TRIM45: variants seen among roughly 807,000 people sequenced by gnomAD.
TRIM45 encodes the protein tripartite motif containing 45.
Under a neutral mutation model 46.7 loss-of-function variants are expected in TRIM45, and 45 were observed. The observed-to-expected ratio is 0.96, with a 90% CI of 0.76 to 1.24. The LOEUF (loss-of-function observed/expected upper bound fraction) is 1.24, where lower values mean the gene tolerates loss of function less well. Among genes scored for constraint, TRIM45 ranks in the 50% most tolerant of loss-of-function variants. The pLI, the probability that TRIM45 is intolerant of heterozygous loss-of-function variation, is 0.00. For missense variants in TRIM45, 680 were observed against 728.4 expected (o/e 0.93, Z 0.77); for synonymous variants, 259 against 285.8 (o/e 0.91, Z 0.94).
chr1:117,112,412 C>T lies in TRIM45; in HGVS notation c.1636G>A (p.Gly546Ser). The change falls in exon 6 of 6, where the codon GGT becomes AGT. Residue 546 changes from glycine to serine, a missense_variant. Around this residue, in one of 3 missense-constraint regions of TRIM45, gnomAD observed 322 missense variants for 359.3 expected, o/e 0.90. Coordinates refer to ENST00000256649, the MANE Select transcript of TRIM45 (RefSeq NM_025188.4). ...CCACAGCATGACCAGTGGGGATGAC[C>T]TGGGTGGCCTTTGTGTCCATGGCCA... ...GCGHGHKGHP[G>S]HPHWSCCGKF... 1 of 1,614,038 alleles carries T rather than the reference C, an allele frequency of 6.2e-7. No homozygotes were observed. Among genetic ancestry groups the T allele is most frequent in the Admixed American group, 1.7e-5 (1 of 60,012 alleles).
Position 117,112,122 on chromosome 1 carries a change from T to G in TRIM45, c.*183A>C, listed in dbSNP as rs1490036086. ...TTAAGAGAAATGTAGAGGTGGTTTT[T>G]TGTGCTCAACCATCCACAAGTACAA... is the stretch of plus-strand genomic sequence containing the variant. On this transcript the variant is annotated 3_prime_UTR_variant, in exon 6 of 6. Transcript: ENST00000256649. The G allele has an allele frequency of 3.4e-6, 2 of 589,678 alleles. No homozygotes were observed. The highest frequency in any genetic ancestry group is 5.2e-6 in the Non-Finnish European group (2 of 383,718). 36.5% of individuals were successfully genotyped at this position (589,678 alleles called of 1,614,324 possible).
In TRIM45 at chr1:117,113,474, G is replaced by T; in HGVS notation, c.1479C>A (p.Phe493Leu). 6.2e-7 allele frequency: 1 copy of T among 1,612,894 alleles called. No individual in the cohort carries two copies. The highest frequency in any genetic ancestry group is 8.5e-7 in the Non-Finnish European group (1 of 1,180,010). The change falls in exon 5 of 6, where the codon TTC becomes TTA. Residue 493 changes from phenylalanine (F) to leucine (L), a missense_variant. Phe to Leu is a conservative substitution (Grantham distance 22, BLOSUM62 0). Around this residue, in one of 3 missense-constraint regions of TRIM45, gnomAD observed 322 missense variants for 359.3 expected, o/e 0.90. Transcript: ENST00000256649. This position sits in a 1 kb window ranked among gnomAD's most constrained non-coding sequence, Gnocchi z 4.0. ...IKEQHVQGSP[F>L]TVMVRRKHRP... ...GGTGCTTTCTCCTCACCATCACAGTGAATGGCGAGCCCTGCAGTGTTCAGA... is the reference window on the plus strand; with the variant it reads ...GGTGCTTTCTCCTCACCATCACAGTTAATGGCGAGCCCTGCAGTGTTCAGA...
In TRIM45 at chr1:117,116,480, C is replaced by T. The variant is rs1349089319; in HGVS notation, c.1352+136G>A. 3.3e-6 allele frequency: 4 copies of T among 1,201,162 alleles called. No homozygotes were observed. In the Admixed American group the frequency reaches 8.7e-5, roughly 26 times the overall value. 74.4% of individuals were successfully genotyped at this position (1,201,162 alleles called of 1,614,324 possible). A position where few individuals can be genotyped will look rare whatever the true frequency, so the allele number is the denominator to read the frequency against. Reference sequence around the variant, plus strand: ...TCTTGAACTCTTGGGCTTAAGCGATCCTCCTGCCTCCACTTCCCAAAGTGC... The same window carrying T: ...TCTTGAACTCTTGGGCTTAAGCGATTCTCCTGCCTCCACTTCCCAAAGTGC... On this transcript the variant is annotated intron_variant, in intron 3 of 5. Coordinates refer to ENST00000256649, the MANE Select transcript of TRIM45 (RefSeq NM_025188.4). The surrounding 1 kb of genome is among the most constrained non-coding windows in gnomAD (Gnocchi z 4.6).
At chr1:117,120,690 C>T (rs1479093126) in intron 1 of TRIM45, 24 bp downstream of exon 1, 5 of 1,578,446 alleles carry the variant, frequency 3.2e-6, no homozygotes, top group South Asian at 2.4e-5. Context: ...TTAAGCTACA[C>T]CTGATGGAGT....
At position 117,115,708 on chromosome 1, in the gene TRIM45, C is replaced by G. The variant is rs1378977916; in HGVS notation, c.1353-19G>C. ...GACTGGGCTGAATGGAGATAAGAGT[C>G]AAAACACCACTCACTTCCACAAGCT... On this transcript the variant is annotated intron_variant, in intron 3 of 5. Coordinates refer to ENST00000256649, the MANE Select transcript of TRIM45 (RefSeq NM_025188.4). This position sits in a 1 kb window ranked among gnomAD's most constrained non-coding sequence, Gnocchi z 4.2. 3.2e-6 allele frequency: 5 copies of G among 1,545,758 alleles called. No homozygotes were observed. Among genetic ancestry groups the G allele is most frequent in the Non-Finnish European group, 4.5e-6 (5 of 1,117,826 alleles).
Position 117,120,699 on chromosome 1 carries a change from G to GT in TRIM45, c.488+14dup. ...CTGCTCTTAAGCTACACCTGATGGA[G>GT]TGTCCCATCTTTACCTATGAGCCTG... On this transcript the variant is annotated intron_variant, in intron 1 of 5. Coordinates refer to ENST00000256649, the MANE Select transcript of TRIM45 (RefSeq NM_025188.4). 6.3e-7 allele frequency: 1 copy of GT among 1,585,378 alleles called. No homozygotes were observed. The highest frequency in any genetic ancestry group is 1.2e-5 in the South Asian group (1 of 86,104).
In TRIM45 at chr1:117,118,293, C is replaced by T; in HGVS notation, c.963G>A (p.Leu321=). The T allele has an allele frequency of 6.2e-7, 1 of 1,614,208 alleles. No homozygotes were observed. The highest frequency in any genetic ancestry group is 8.5e-7 in the Non-Finnish European group (1 of 1,180,034). ...ACTCCACTCCAGTCCGCATGTCTGC[C>T]AGTAACTGTTCCAGCTGGGCCTTCT... is the stretch of plus-strand genomic sequence containing the variant. ...QLQKAQLEQL[L]ADMRTGVEFT... is the part of the protein sequence containing the mutation. The change falls in exon 2 of 6, where the codon CTG becomes CTA. Residue 321 remains leucine (L), a synonymous_variant. Coordinates refer to ENST00000256649, the MANE Select transcript of TRIM45 (RefSeq NM_025188.4). This position sits in a 1 kb window ranked among gnomAD's most constrained non-coding sequence, Gnocchi z 5.7.
chr1:117,121,946 C>A (rs528009521), upstream of TRIM45: 24 of 675,674 alleles, frequency 3.6e-5, no homozygotes, highest in East Asian at 5.1e-4. This position sits in a 1 kb window ranked among gnomAD's most constrained non-coding sequence, Gnocchi z 4.2. Flanking sequence ...GGCGGGGCGG[C>A]CGAAGGGCTT....
In TRIM45 at chr1:117,113,357, A is replaced by C. The variant is rs1330117680; in HGVS notation, c.1594+2T>G. 1 of 1,611,854 alleles carries C rather than the reference A, an allele frequency of 6.2e-7. No homozygotes were observed. Among genetic ancestry groups the C allele is most frequent in the African/African-American group, 1.3e-5 (1 of 74,854 alleles). On this transcript the variant is annotated splice_donor_variant, in intron 5 of 5. Coordinates refer to ENST00000256649, the MANE Select transcript of TRIM45 (RefSeq NM_025188.4). LOFTEE classifies it high-confidence loss of function. The surrounding 1 kb of genome is among the most constrained non-coding windows in gnomAD (Gnocchi z 4.0). The stretch of plus-strand genomic sequence containing the variant: ...GCCCAGAGGGTAGTGCTTTCTCCTT[A>C]CCTGGCATGGTGCCTCCACAGGCGC...
chr1:117,121,633 T>C lies in TRIM45; in HGVS notation c.-432A>G. 1 of 542,076 alleles carries C rather than the reference T, an allele frequency of 1.8e-6. No individual in the cohort carries two copies. The highest frequency in any genetic ancestry group is 2.2e-5 in the South Asian group (1 of 45,152). 33.6% of individuals were successfully genotyped at this position (542,076 alleles called of 1,614,324 possible). A position where few individuals can be genotyped will look rare whatever the true frequency, so the allele number is the denominator to read the frequency against. ...GCGCACGATGAGGTAGGGGCCCTCT[T>C]GCTCCTTCCCTCTGCGAAAGGCGCG... On this transcript the variant is annotated 5_prime_UTR_variant, in exon 1 of 6. Transcript: ENST00000256649. The surrounding 1 kb of genome is among the most constrained non-coding windows in gnomAD (Gnocchi z 4.2).
chr1:117,123,308 A>G (rs1650734237), upstream of TRIM45, among the ~76,000 whole-genome samples: 1 of 152,062 alleles, frequency 6.6e-6, no homozygotes, highest in Admixed American at 6.6e-5. Flanking sequence ...TGGGTTTGCT[A>G]TATATTCTTG....
chr1:117,123,007 T>G (rs761923584), upstream of TRIM45, among the ~76,000 whole-genome samples: 17 of 141,738 alleles, frequency 1.2e-4, no homozygotes, highest in Non-Finnish European at 2.3e-4. Flanking sequence ...CTTTTAAAAG[T>G]ATGGAATCTG....
In TRIM45 at chr1:117,121,177, G is replaced by GC; in HGVS notation, c.24dup (p.Leu9AlafsTer9). ...CTAGTGAGTTTGCTTACAAAGCCCA[G>GC]CAGCGGTTTTCTGTTTTCTGACATA... is the stretch of plus-strand genomic sequence containing the variant. On this transcript the variant is annotated frameshift_variant, in exon 1 of 6. Coordinates refer to ENST00000256649, the MANE Select transcript of TRIM45 (RefSeq NM_025188.4). LOFTEE classifies it high-confidence loss of function. The surrounding 1 kb of genome is among the most constrained non-coding windows in gnomAD (Gnocchi z 4.2). The GC allele has an allele frequency of 6.4e-7, 1 of 1,567,680 alleles. No homozygotes were observed. Among genetic ancestry groups the GC allele is most frequent in the Non-Finnish European group, 8.6e-7 (1 of 1,160,288 alleles).
At chr1:117,120,044 A>T (rs553727840) in intron 1 of TRIM45, among the ~76,000 whole-genome samples, 3 of 152,196 alleles carry the variant, frequency 2.0e-5, no homozygotes, top group Non-Finnish European at 2.9e-5. Flanking sequence ...AAAGTGATCC[A>T]TCTGACAAAC....
chr1:117,122,403 T>C (rs1650689898), upstream of TRIM45: 1 of 152,288 alleles, frequency 6.6e-6, no homozygotes, highest in Non-Finnish European at 1.5e-5. Flanking sequence ...CATCTCAGGC[T>C]CGCGTTACGG....
At position 117,117,602 on chromosome 1, in the gene TRIM45, G is replaced by A. The variant is rs940778644; in HGVS notation, c.1222+432C>T. Among the ~76,000 whole-genome samples, 1 of 152,158 alleles carries A rather than the reference G, an allele frequency of 6.6e-6. No homozygotes were observed. Among genetic ancestry groups the A allele is most frequent in the Non-Finnish European group, 1.5e-5 (1 of 68,038 alleles). ...TGAACCAAAAAGGGCCTAAAGGAAA[G>A]GAAACCGTAATCTCATCTTCCTCAT... is the stretch of plus-strand genomic sequence containing the variant. On this transcript the variant is annotated intron_variant, in intron 2 of 5. Transcript: ENST00000256649. The surrounding 1 kb of genome is among the most constrained non-coding windows in gnomAD (Gnocchi z 4.9).
rs2101339637 is a variant in TRIM45, at chr1:117,115,760, G to GTAAAT, written c.1353-72_1353-71insATTTA. On this transcript the variant is annotated intron_variant, in intron 3 of 5. Coordinates refer to ENST00000256649, the MANE Select transcript of TRIM45 (RefSeq NM_025188.4). This position sits in a 1 kb window ranked among gnomAD's most constrained non-coding sequence, Gnocchi z 4.2. ...GCTTCAGTTGCTACTATTTCAGAAT[G>GTAAAT]TAAACTCTACACCATCCCATTCAGT... The GTAAAT allele has an allele frequency of 9.9e-7, 1 of 1,013,606 alleles. No individual in the cohort carries two copies. The allele number at this position is 1,013,606 out of a possible 1,614,324, so 62.8% of individuals were successfully genotyped here.
rs1650515863 is a variant in TRIM45 at position 117,118,824 on chromosome 1, T to C, written c.489-57A>G. 5.2e-6 allele frequency: 8 copies of C among 1,552,644 alleles called. No individual in the cohort carries two copies. Among genetic ancestry groups the C allele is most frequent in the Non-Finnish European group, 7.0e-6 (8 of 1,150,340 alleles). The stretch of plus-strand genomic sequence containing the variant: ...AAGGGGATAATTCTGTTGGGAATAG[T>C]TGGGCAGAGAGATTTTAGGAGCACA... On this transcript the variant is annotated intron_variant, in intron 1 of 5. Coordinates refer to ENST00000256649, the MANE Select transcript of TRIM45 (RefSeq NM_025188.4). This position sits in a 1 kb window ranked among gnomAD's most constrained non-coding sequence, Gnocchi z 5.7.
rs914037801 is a variant in TRIM45 at position 117,115,285 on chromosome 1, CCT to C, written c.1467+288_1467+289del. Reference sequence around the variant, plus strand: ...ATGGTTGTCTGCTGGCAGATCACCCCCTGTGATCAAGACATCTTCTCCATATT... The same window carrying C: ...ATGGTTGTCTGCTGGCAGATCACCCCGTGATCAAGACATCTTCTCCATATT... On this transcript the variant is annotated intron_variant, in intron 4 of 5. Coordinates refer to ENST00000256649, the MANE Select transcript of TRIM45 (RefSeq NM_025188.4). This position sits in a 1 kb window ranked among gnomAD's most constrained non-coding sequence, Gnocchi z 4.2. 1.4e-4 allele frequency among the ~76,000 whole-genome samples: 21 copies of C among 152,170 alleles called. No homozygotes were observed. The highest frequency in any genetic ancestry group is 4.8e-4 in the African/African-American group (20 of 41,516).
Sources: gnomAD v4.1 joint callset for allele counts (sites outside exome capture counted in the v4.1 genomes callset) on GRCh38, gnomAD v4.1.1 for gene constraint, gnomAD v4.1.1 regional missense constraint, Gnocchi (gnomAD v3.1) non-coding constraint, MANE v1.5 for transcripts, NCBI Gene and HGNC (gene_info 2026-07-23, HGNC 2026-07-21) for gene names.